PKD2L1: variants seen among roughly 807,000 people sequenced by gnomAD.
PKD2L1 encodes the protein polycystin-2-like protein 1.
In PKD2L1, 77 loss-of-function variants were observed where a neutral mutation model predicts 93.0. The ratio of observed to expected loss-of-function variants is 0.83; its 90% CI spans 0.69 to 1.00. The LOEUF is 1.00. Among genes scored for constraint, PKD2L1 ranks in the 50% least tolerant of loss-of-function variants. The pLI is 0.00. For synonymous variants in PKD2L1, 390 were observed against 388.0 expected (o/e 1.01, Z -0.06); for missense variants, 977 against 990.9 (o/e 0.99, Z 0.19).
intron 2 of PKD2L1, among the ~76,000 whole-genome samples, chr10:100,321,904 C>CAAGCAAGG (rs1273641302): frequency 0.033 from 317 of 9,478 alleles, 72 homozygotes; most frequent in African/African-American, 0.13. Context: ...GGGAAGGAAG[C>CAAGCAAGG]AAGGAAGGAA....
chr10:100,293,447 C>G, intron 9 of PKD2L1, 68 bp from the exon 10 acceptor site: 1 of 980,288 alleles, frequency 1.0e-6, no homozygotes, highest in East Asian at 2.4e-5. Context: ...CCCACTGACC[C>G]CATTAATGTC....
chr10:100,298,658 A>G lies in PKD2L1; in HGVS notation c.635T>C (p.Val212Ala), dbSNP rs1281040819. 3.7e-6 allele frequency: 6 copies of G among 1,614,026 alleles called. No homozygotes were observed. Among genetic ancestry groups the G allele is most frequent in the South Asian group, 3.3e-5 (3 of 91,088 alleles). Residue 212 changes from valine (V) to alanine (A), a missense_variant, in exon 4 of 16, where the codon GTG becomes GCG. Transcript: ENST00000318222. ...AATGTCCTCCCGGAAGTCTTCATGC[A>G]CCACACAGGAGTCATTGCGGACCTT... ...QLKVRNDSCV[V>A]HEDFREDILS...
Position 100,295,065 on chromosome 10 carries a change from C to A in PKD2L1, c.1415G>T (p.Arg472Leu), listed in dbSNP as rs199649746. 4 of 1,614,010 alleles carry A rather than the reference C, an allele frequency of 2.5e-6. No homozygotes were observed. Among genetic ancestry groups the A allele is most frequent in the Non-Finnish European group, 3.4e-6 (4 of 1,179,900 alleles). The change falls in exon 8 of 16, where the codon CGC (arginine) becomes CTC (leucine). Residue 472 changes from arginine (R) to leucine (L), a missense_variant. Arg to Leu is a moderately radical substitution (Grantham distance 102, BLOSUM62 -2). Coordinates refer to ENST00000318222, the MANE Select transcript of PKD2L1 (RefSeq NM_016112.3). ...GAAGCCCAGGATGTCCTTGGCACAG[C>A]GGGCCAGCGTGGAGGAGAGCTGGGT... ...TMTQLSSTLARCAKDILGFAV... is the reference protein window; with the variant it reads ...TMTQLSSTLALCAKDILGFAV...
At chr10:100,293,561 T>G (rs1848454963) in intron 9 of PKD2L1, among the ~76,000 whole-genome samples, 182 bp from the exon 10 acceptor site, 1 of 152,158 alleles carries the variant, frequency 6.6e-6, no homozygotes, top group African/African-American at 2.4e-5. Context: ...AGCACAGTTC[T>G]GTTAGAGATG....
chr10:100,316,329 C>T (rs1411726117), intron 2 of PKD2L1, among the ~76,000 whole-genome samples: 4 of 152,320 alleles, frequency 2.6e-5, no homozygotes, highest in Middle Eastern at 3.4e-3. Context: ...TGCGCCACCA[C>T]GCCTGGCTAA....
intron 2 of PKD2L1, among the ~76,000 whole-genome samples, chr10:100,326,995 T>C (rs1849394165): frequency 1.3e-5 from 2 of 152,158 alleles, no homozygotes; most frequent in Non-Finnish European, 2.9e-5. Flanking sequence ...AGTTGAAAGG[T>C]TGTCACTTCA....
rs368688026 is a variant in PKD2L1, at chr10:100,321,408, C to T, written c.349+7803G>A. Among the ~76,000 whole-genome samples the T allele has an allele frequency of 7.1e-4, 108 of 151,196 alleles. 4 individuals are homozygous for T. The East Asian group carries it at 0.015, about 21-fold the overall frequency. Reference sequence around the variant, plus strand: ...CCAGGAGGCAGAAGTTGTAGTGAGCCGAGATCGCGCCACTGCACACCAGCC... The same window carrying T: ...CCAGGAGGCAGAAGTTGTAGTGAGCTGAGATCGCGCCACTGCACACCAGCC... On this transcript the variant is annotated intron_variant, in intron 2 of 15. Transcript: ENST00000318222.
At chr10:100,296,944 C>A in intron 6 of PKD2L1, 36 bp downstream of exon 6, 1 of 1,439,714 alleles carries the variant, frequency 6.9e-7, no homozygotes, top group South Asian at 1.2e-5. Context: ...CCTCCTCACC[C>A]CAGAATGTCC....
chr10:100,325,852 A>C, intron 2 of PKD2L1, among the ~76,000 whole-genome samples: 1 of 152,164 alleles, frequency 6.6e-6, no homozygotes, highest in African/African-American at 2.4e-5. Context: ...ATTTTATTTA[A>C]CCTGCTTAAG....
chr10:100,309,364 A>G (rs1400494437), intron 2 of PKD2L1, among the ~76,000 whole-genome samples: 2 of 125,074 alleles, frequency 1.6e-5, no homozygotes, highest in Non-Finnish European at 3.4e-5. Context: ...TTCTTATACT[A>G]TAATAATAGT....
intron 7 of PKD2L1, among the ~76,000 whole-genome samples, 168 bp from the exon 8 acceptor site, chr10:100,295,291 A>G (rs1791574972): frequency 6.6e-6 from 1 of 152,116 alleles, no homozygotes; most frequent in South Asian, 2.1e-4. Flanking sequence ...GCATGGTGGC[A>G]CGCACCTGTA....
rs1238761435 is a variant in PKD2L1 at position 100,330,134 on chromosome 10, A to T, written c.-31T>A. On this transcript the variant is annotated 5_prime_UTR_variant, in exon 1 of 16. Coordinates refer to ENST00000318222, the MANE Select transcript of PKD2L1 (RefSeq NM_016112.3). Reference sequence around the variant, plus strand: ...ATGAGGTGGGGGGGCCCGGTACCCCAGGTGCCCACTCTCAGCTAGAGGAAG... The same window carrying T: ...ATGAGGTGGGGGGGCCCGGTACCCCTGGTGCCCACTCTCAGCTAGAGGAAG... The T allele has an allele frequency of 1.4e-6, 2 of 1,385,312 alleles. No individual in the cohort carries two copies. Among genetic ancestry groups the T allele is most frequent in the Admixed American group, 4.0e-5 (2 of 50,412 alleles). 85.8% of individuals were successfully genotyped at this position (1,385,312 alleles called of 1,614,324 possible).
intron 9 of PKD2L1, 73 bp downstream of exon 9, chr10:100,294,462 G>A (rs1172201123): frequency 6.6e-7 from 1 of 1,512,904 alleles, no homozygotes; most frequent in East Asian, 2.3e-5. Flanking sequence ...TCAATCCTGA[G>A]TGAGGGACAT....
chr10:100,299,369 G>A (rs1030435447), intron 3 of PKD2L1, among the ~76,000 whole-genome samples: 4 of 152,130 alleles, frequency 2.6e-5, no homozygotes, highest in African/African-American at 7.2e-5. Flanking sequence ...TCTGACTCCC[G>A]ATACTAATCT....
chr10:100,325,874 G>C (rs1159777051), intron 2 of PKD2L1, among the ~76,000 whole-genome samples: 5 of 152,136 alleles, frequency 3.3e-5, no homozygotes, highest in African/African-American at 1.2e-4. Flanking sequence ...ATCTTCTCAG[G>C]TGGGTATGAT....
rs2134373005 is a variant in PKD2L1 at position 100,288,334 on chromosome 10, G to C, written c.*62C>G. On this transcript the variant is annotated 3_prime_UTR_variant, in exon 16 of 16. Coordinates refer to ENST00000318222, the MANE Select transcript of PKD2L1 (RefSeq NM_016112.3). Reference sequence around the variant, plus strand: ...GCCCACTCAGTTTCCAGGTTCAGTGGACCAGGAGGCAGCCTCTTGCAGAAG... The same window carrying C: ...GCCCACTCAGTTTCCAGGTTCAGTGCACCAGGAGGCAGCCTCTTGCAGAAG... 9.5e-7 allele frequency: 1 copy of C among 1,050,386 alleles called. No homozygotes were observed. Among genetic ancestry groups the C allele is most frequent in the Non-Finnish European group, 1.5e-6 (1 of 667,374 alleles). The allele number at this position is 1,050,386 out of a possible 1,614,324, so 65.1% of individuals were successfully genotyped here.
chr10:100,328,972 C>A (rs1589687465), intron 2 of PKD2L1, among the ~76,000 whole-genome samples: 2 of 152,220 alleles, frequency 1.3e-5, no homozygotes, highest in African/African-American at 4.8e-5. Flanking sequence ...CTGGTTTCCC[C>A]TTGTAATTCT....
chr10:100,290,476 A>T lies in PKD2L1; in HGVS notation c.2051T>A (p.Val684Glu), dbSNP rs1307315550. 4 of 1,613,576 alleles carry T rather than the reference A, an allele frequency of 2.5e-6. No individual in the cohort carries two copies. In the South Asian group the frequency reaches 3.3e-5, roughly 13 times the overall value. Residue 684 changes from valine to glutamate, a missense_variant, in exon 13 of 16, where the codon GTG becomes GAG. Coordinates refer to ENST00000318222, the MANE Select transcript of PKD2L1 (RefSeq NM_016112.3). ...ACCCGATTTGCCTTGTGGGCTGCTC[A>T]CAATAGATCGGCCTAGTTTCTCAAT... Reference protein sequence around the residue: ...TEIEKLGRSIVSSPQGKSGPE... With the variant: ...TEIEKLGRSIESSPQGKSGPE...
chr10:100,321,459 CAAAAA>C (rs988375167), intron 2 of PKD2L1, among the ~76,000 whole-genome samples: 2 of 130,546 alleles, frequency 1.5e-5, no homozygotes, highest in African/African-American at 5.7e-5. Context: ...GACTCTGTCT[CAAAAA>C]AAAAAGAAAA....
Sources: gnomAD v4.1 joint callset for allele counts (sites outside exome capture counted in the v4.1 genomes callset) on GRCh38, gnomAD v4.1.1 for gene constraint, MANE v1.5 for transcripts, NCBI Gene and HGNC (gene_info 2026-07-23, HGNC 2026-07-21) for gene names.